Variants in RXRA observed in about 807,000 individuals in gnomAD.
RXRA encodes retinoic acid receptor RXR-alpha.
RXRA carries 5 observed loss-of-function variants against 44.5 expected under a neutral mutation model. The observed-to-expected ratio is 0.11, with a 90% CI of 0.06 to 0.24. The LOEUF is 0.24. RXRA is among the 10% of genes least tolerant of loss of function. The probability of loss-of-function intolerance (pLI) is 1.00; values close to 1 mark genes in which losing one functional copy is unlikely to be tolerated. For missense variants in RXRA, 412 were observed against 646.5 expected, an observed-to-expected ratio of 0.64 and a Z score of 3.93; for synonymous variants, 291 against 271.4, an observed-to-expected ratio of 1.07 and a Z score of -0.71.
rs533492947 is a variant in RXRA, at chr9:134,332,892, G to A, written c.28+6233G>A. 2.0e-5 allele frequency among the ~76,000 whole-genome samples: 3 copies of A among 152,250 alleles called. No homozygotes were observed. In the South Asian group the frequency reaches 6.2e-4, roughly 32 times the overall value. ...CCTGGCTGGGCTCCTCAGCATGGCAGCCTGGGAAGGGGGGAGGATTCCTAG... is the reference window on the plus strand; with the variant it reads ...CCTGGCTGGGCTCCTCAGCATGGCAACCTGGGAAGGGGGGAGGATTCCTAG... On this transcript the variant is annotated intron_variant, in intron 1 of 9. Coordinates refer to ENST00000481739, the MANE Select transcript of RXRA (RefSeq NM_002957.6).
rs1407106012 is a variant in RXRA, at chr9:134,436,534, T to C, written c.1309T>C (p.Phe437Leu). Residue 437 changes from phenylalanine (F) to leucine (L), a missense_variant, in exon 10 of 10, where the codon TTC becomes CTC. Phe to Leu is a conservative substitution (Grantham distance 22). Coordinates refer to ENST00000481739, the MANE Select transcript of RXRA (RefSeq NM_002957.6). Reference sequence around the variant, plus strand: ...CGGGCTCAAATGCCTGGAACATCTCTTCTTCTTCAAGCTCATCGGGGACAC... The same window carrying C: ...CGGGCTCAAATGCCTGGAACATCTCCTCTTCTTCAAGCTCATCGGGGACAC... Reference protein sequence around the residue: ...SIGLKCLEHLFFFKLIGDTPI... With the variant: ...SIGLKCLEHLLFFKLIGDTPI... The C allele has an allele frequency of 6.2e-7, 1 of 1,614,050 alleles. No homozygotes were observed. The highest frequency in any genetic ancestry group is 8.5e-7 in the Non-Finnish European group (1 of 1,180,026).
chr9:134,428,517 C>T (rs1282904494), intron 6 of RXRA, among the ~76,000 whole-genome samples: 1 of 128,518 alleles, frequency 7.8e-6, no homozygotes, highest in South Asian at 2.8e-4. Context: ...CCTAACCACC[C>T]GCCCCAGGGA....
At chr9:134,339,643 GTGTCTGTGTGTGTGCC>G (rs1189726903) in intron 1 of RXRA, among the ~76,000 whole-genome samples, 13 of 150,166 alleles carry the variant, frequency 8.7e-5, no homozygotes, top group African/African-American at 3.2e-4. Context: ...GCCTGTGCGT[GTGTCTGTGTGTGTGCC>G]TGTGTGTGTG....
chr9:134,327,562 C>G (rs1431083715), intron 1 of RXRA, among the ~76,000 whole-genome samples: 4 of 152,190 alleles, frequency 2.6e-5, no homozygotes, highest in Non-Finnish European at 5.9e-5. Flanking sequence ...GCCAGGCTGT[C>G]AGGCCGGGTG....
chr9:134,432,976 G>A (rs1264752523), intron 8 of RXRA, among the ~76,000 whole-genome samples: 1 of 152,168 alleles, frequency 6.6e-6, no homozygotes, highest in African/African-American at 2.4e-5. Context: ...GCGTGATAGG[G>A]GCAGGTGGCT....
chr9:134,436,975 G>A lies in RXRA; in HGVS notation c.*361G>A. On this transcript the variant is annotated 3_prime_UTR_variant, in exon 10 of 10. Coordinates refer to ENST00000481739, the MANE Select transcript of RXRA (RefSeq NM_002957.6). Reference sequence around the variant, plus strand: ...TGGAGCTGCAGGAGTTGGGAACGGGGCTTTTGTTTCCGTTGCTGTTTATCG... The same window carrying A: ...TGGAGCTGCAGGAGTTGGGAACGGGACTTTTGTTTCCGTTGCTGTTTATCG... The A allele has an allele frequency of 4.1e-6, 1 of 242,116 alleles. No individual in the cohort carries two copies. The highest frequency in any genetic ancestry group is 8.1e-6 in the Non-Finnish European group (1 of 123,486). The allele number at this position is 242,116 out of a possible 1,614,324, so 15.0% of individuals were successfully genotyped here. A position where few individuals can be genotyped will look rare whatever the true frequency, so the allele number is the denominator to read the frequency against.
Position 134,366,308 on chromosome 9 carries a change from C to G in RXRA, c.29-35324C>G, listed in dbSNP as rs905812981. ...GTGCCACAGCCTCTCCCTCTGCCCACCCCCCCCATGCCTGCCCTGCCAGCA... is the reference window on the plus strand; with the variant it reads ...GTGCCACAGCCTCTCCCTCTGCCCAGCCCCCCCATGCCTGCCCTGCCAGCA... On this transcript the variant is annotated intron_variant, in intron 1 of 9. Coordinates refer to ENST00000481739, the MANE Select transcript of RXRA (RefSeq NM_002957.6). This position sits in a 1 kb window ranked among gnomAD's most constrained non-coding sequence, Gnocchi z 5.9. Among the ~76,000 whole-genome samples, 1 of 145,150 alleles carries G rather than the reference C, an allele frequency of 6.9e-6. No homozygotes were observed. Among genetic ancestry groups the G allele is most frequent in the African/African-American group, 2.8e-5 (1 of 35,470 alleles).
intron 4 of RXRA, among the ~76,000 whole-genome samples, chr9:134,410,114 C>T (rs114500792): frequency 6.2e-4 from 95 of 152,354 alleles, no homozygotes; most frequent in African/African-American, 2.1e-3. Context: ...TCAGCCTTAA[C>T]GGTCCTGTTG....
intron 4 of RXRA, 26 bp downstream of exon 4, chr9:134,409,145 G>T: frequency 6.6e-7 from 1 of 1,518,058 alleles, no homozygotes; most frequent in Non-Finnish European, 8.8e-7. Flanking sequence ...GGGTGGGGGC[G>T]CGGGCAGGTG....
At position 134,338,870 on chromosome 9, in the gene RXRA, A is replaced by G. The variant is rs547053553; in HGVS notation, c.28+12211A>G. Among the ~76,000 whole-genome samples, 328 of 152,050 alleles carry G rather than the reference A, an allele frequency of 2.2e-3. 1 individual carries two copies. Among genetic ancestry groups the G allele is most frequent in the Non-Finnish European group, 3.4e-3 (232 of 67,936 alleles). ...AGAGCCCAGAGATCCTCCCTCCAGGACTCTGGAGACAGCCGCCGTTCTGCC... is the reference window on the plus strand; with the variant it reads ...AGAGCCCAGAGATCCTCCCTCCAGGGCTCTGGAGACAGCCGCCGTTCTGCC... On this transcript the variant is annotated intron_variant, in intron 1 of 9. Coordinates refer to ENST00000481739, the MANE Select transcript of RXRA (RefSeq NM_002957.6).
In RXRA at chr9:134,439,890, T is replaced by C. The variant is rs1831702374; in HGVS notation, c.*3276T>C. ...CGTGTAAGCAAGTACATAAGGACCC[T>C]CCTTTGGTGAAATCCGGGTTCGAAT... On this transcript the variant is annotated 3_prime_UTR_variant, in exon 10 of 10. Transcript: ENST00000481739. 6.6e-6 allele frequency: 1 copy of C among 152,408 alleles called. No homozygotes were observed. The highest frequency in any genetic ancestry group is 2.4e-5 in the African/African-American group (1 of 41,456). 9.4% of individuals were successfully genotyped at this position (152,408 alleles called of 1,614,324 possible). A position where few individuals can be genotyped will look rare whatever the true frequency, so the allele number is the denominator to read the frequency against.
intron 1 of RXRA, among the ~76,000 whole-genome samples, chr9:134,347,202 G>A (rs1830163682): frequency 6.6e-6 from 1 of 152,190 alleles, no homozygotes; most frequent in Admixed American, 6.5e-5. Flanking sequence ...TGTCATCTGT[G>A]GGCAGGATGG....
intron 1 of RXRA, among the ~76,000 whole-genome samples, chr9:134,369,353 G>A (rs1268752564): frequency 8.7e-6 from 1 of 115,556 alleles, no homozygotes; most frequent in African/African-American, 3.4e-5. Flanking sequence ...TGTGAGTGCA[G>A]GGGTTGTGTG....
chr9:134,428,840 G>A (rs891229968), intron 6 of RXRA, among the ~76,000 whole-genome samples: 1 of 152,234 alleles, frequency 6.6e-6, no homozygotes, highest in East Asian at 1.9e-4. Context: ...AGCTTCTGGG[G>A]CACATGAGTT....
Position 134,384,702 on chromosome 9 carries a change from C to G in RXRA, c.29-16930C>G, listed in dbSNP as rs544476502. The stretch of plus-strand genomic sequence containing the variant: ...GGCCGTCACCCGGTCGGCCTGGGGG[C>G]GAGGGTTCTCTGGCCCTTTTCTGTC... On this transcript the variant is annotated intron_variant, in intron 1 of 9. Transcript: ENST00000481739. Among the ~76,000 whole-genome samples, 10 of 152,202 alleles carry G rather than the reference C, an allele frequency of 6.6e-5. No individual in the cohort carries two copies. The South Asian group carries it at 2.1e-3, about 32-fold the overall frequency.
chr9:134,347,986 G>A (rs1830174956), intron 1 of RXRA, among the ~76,000 whole-genome samples: 1 of 152,170 alleles, frequency 6.6e-6, no homozygotes, highest in African/African-American at 2.4e-5. Flanking sequence ...GGAGGCAGAA[G>A]CAGAGGTGGT....
In RXRA at chr9:134,426,576, C is replaced by T. The variant is rs887410081; in HGVS notation, c.911-2532C>T. On this transcript the variant is annotated intron_variant, in intron 6 of 9. Coordinates refer to ENST00000481739, the MANE Select transcript of RXRA (RefSeq NM_002957.6). This position sits in a 1 kb window ranked among gnomAD's most constrained non-coding sequence, Gnocchi z 4.6. ...CTGACCTGTATCCCGTGCTGAGGGC[C>T]GCACCTCGGCTCAGCAGCGCCTTCT... 2.1e-5 allele frequency: 21 copies of T among 985,308 alleles called. No homozygotes were observed. Among genetic ancestry groups the T allele is most frequent in the Middle Eastern group, 5.2e-4 (1 of 1,936 alleles). The allele number at this position is 985,308 out of a possible 1,614,324, so 61.0% of individuals were successfully genotyped here.
chr9:134,388,087 A>G (rs1024963625), intron 1 of RXRA, among the ~76,000 whole-genome samples: 24 of 151,962 alleles, frequency 1.6e-4, no homozygotes, highest in African/African-American at 5.8e-4. Context: ...TGGTTTACTC[A>G]TCTGTAAAGT....
At chr9:134,430,290 G>A (rs917097145) in intron 7 of RXRA, among the ~76,000 whole-genome samples, 1 of 152,220 alleles carries the variant, frequency 6.6e-6, no homozygotes, top group African/African-American at 2.4e-5. Context: ...GCTGGGGAGG[G>A]GCACTGCGGG....
Sources: gnomAD v4.1 joint callset for allele counts (sites outside exome capture counted in the v4.1 genomes callset) on GRCh38, gnomAD v4.1.1 for gene constraint, Gnocchi (gnomAD v3.1) non-coding constraint, MANE v1.5 for transcripts, NCBI Gene and HGNC (gene_info 2026-07-23, HGNC 2026-07-21) for gene names.